The following CDKN2B-AS1 variants were observed in gnomAD, a reference collection of about 807,000 sequenced individuals.
CDKN2B-AS1 encodes the protein CDKN2B antisense RNA 1 (non-protein coding).
intron 4 of CDKN2B-AS1, among the ~76,000 whole-genome samples, chr9:22,076,014 G>A (rs556140091): frequency 4.6e-5 from 7 of 152,184 alleles, no homozygotes; most frequent in African/African-American, 1.2e-4. Context: ...ATGATTGATA[G>A]GAAAGTCAAG....
intron 4 of CDKN2B-AS1, among the ~76,000 whole-genome samples, chr9:22,073,973 C>G (rs570395996): frequency 6.6e-6 from 1 of 151,972 alleles, no homozygotes; most frequent in East Asian, 1.9e-4. Flanking sequence ...AGGTGATTCT[C>G]CCACCTCAGC....
chr9:22,112,804 T>C (rs1042839854), intron 4 of CDKN2B-AS1, among the ~76,000 whole-genome samples: 3 of 152,094 alleles, frequency 2.0e-5, no homozygotes, highest in Non-Finnish European at 4.4e-5. Context: ...TGTGAGAAAA[T>C]GAGAGCCCTG....
At chr9:22,031,172 A>G (rs1371815542) in intron 1 of CDKN2B-AS1, 1 of 152,110 alleles carries the variant, frequency 6.6e-6, no homozygotes, top group Admixed American at 6.6e-5. Context: ...CACCCTTTTA[A>G]AAACTTTACT....
At chr9:22,009,225 C>T in intron 1 of CDKN2B-AS1, 1 of 580,678 alleles carries the variant, frequency 1.7e-6, no homozygotes, top group Non-Finnish European at 3.1e-6. Context: ...AGCGCGGACG[C>T]AGCCGAGCTC....
intron 4 of CDKN2B-AS1, among the ~76,000 whole-genome samples, chr9:22,075,440 A>C (rs1426065461): frequency 6.6e-6 from 1 of 152,224 alleles, no homozygotes; most frequent in Non-Finnish European, 1.5e-5. Context: ...ATTGGGATGT[A>C]GGAAGGTTTC....
chr9:22,122,549 A>G (rs967055472), intron 4 of CDKN2B-AS1, among the ~76,000 whole-genome samples: 2 of 152,030 alleles, frequency 1.3e-5, no homozygotes, highest in African/African-American at 2.4e-5. Flanking sequence ...TAGGTTTTTG[A>G]TCCATTTTGC....
intron 3 of CDKN2B-AS1, among the ~76,000 whole-genome samples, chr9:22,054,748 T>A (rs1407019465): frequency 6.6e-6 from 1 of 150,988 alleles, no homozygotes; most frequent in Non-Finnish European, 1.5e-5. Context: ...TATAAGCCTT[T>A]TTATTTTTAT....
intron 4 of CDKN2B-AS1, among the ~76,000 whole-genome samples, chr9:22,114,174 T>C (rs1825877745): frequency 6.6e-6 from 1 of 152,224 alleles, no homozygotes; most frequent in South Asian, 2.1e-4. Flanking sequence ...TCTCCCACTG[T>C]CACAGCCACT....
chr9:22,042,990 G>GT (rs1822959370), intron 1 of CDKN2B-AS1, among the ~76,000 whole-genome samples: 1 of 152,082 alleles, frequency 6.6e-6, no homozygotes, highest in Admixed American at 6.6e-5. Context: ...GGCTGTCATT[G>GT]TAACACTGTT....
chr9:22,097,360 C>G (rs1343399762), intron 4 of CDKN2B-AS1: 5 of 152,102 alleles, frequency 3.3e-5, no homozygotes, highest in African/African-American at 1.2e-4. Context: ...AGACCAGTGA[C>G]TTAGGTGAGT....
chr9:22,008,447 T>C (rs1821301567), intron 1 of CDKN2B-AS1, among the ~76,000 whole-genome samples: 1 of 152,192 alleles, frequency 6.6e-6, no homozygotes, highest in Non-Finnish European at 1.5e-5. Flanking sequence ...AATGCGTAAC[T>C]TATACTTTAC....
At chr9:22,065,755 C>T (rs1471785611) in intron 4 of CDKN2B-AS1, 1 of 152,178 alleles carries the variant, frequency 6.6e-6, no homozygotes, top group Admixed American at 6.5e-5. Flanking sequence ...TACAACACTC[C>T]AGGTCAGCTA....
intron 4 of CDKN2B-AS1, among the ~76,000 whole-genome samples, chr9:22,117,051 C>G (rs973921639): frequency 6.6e-6 from 1 of 152,114 alleles, no homozygotes; most frequent in Non-Finnish European, 1.5e-5. Context: ...GAACAAAAAG[C>G]TGTTATTTTA....
At chr9:22,009,088 C>T (rs1821354909) in intron 1 of CDKN2B-AS1, 3 of 1,346,764 alleles carry the variant, frequency 2.2e-6, no homozygotes, top group Non-Finnish European at 3.1e-6. Context: ...GCTTCATTAC[C>T]CTCCCGTCGT....
intron 4 of CDKN2B-AS1, among the ~76,000 whole-genome samples, chr9:22,116,463 G>T (rs1274117854): frequency 6.6e-6 from 1 of 152,176 alleles, no homozygotes; most frequent in Non-Finnish European, 1.5e-5. Flanking sequence ...ACAAATAAAA[G>T]TATTCAGATA....
chr9:22,068,882 T>C (rs1444224540), intron 4 of CDKN2B-AS1, among the ~76,000 whole-genome samples: 1 of 152,166 alleles, frequency 6.6e-6, no homozygotes, highest in Non-Finnish European at 1.5e-5. Context: ...CACATCCAAG[T>C]CAACAAACAG....
At chr9:22,028,505 C>T (rs1822332204) in intron 1 of CDKN2B-AS1, among the ~76,000 whole-genome samples, 1 of 152,094 alleles carries the variant, frequency 6.6e-6, no homozygotes, top group African/African-American at 2.4e-5. Flanking sequence ...TCATAAACTT[C>T]AGTATCATCA....
intron 1 of CDKN2B-AS1, among the ~76,000 whole-genome samples, chr9:22,027,973 A>G (rs1038063123): frequency 2.0e-5 from 3 of 152,178 alleles, no homozygotes; most frequent in African/African-American, 7.2e-5. Flanking sequence ...AACATACAAG[A>G]TCTGGCTTTT....
intron 4 of CDKN2B-AS1, among the ~76,000 whole-genome samples, chr9:22,108,548 G>A (rs1825719080): frequency 1.3e-5 from 2 of 152,168 alleles, no homozygotes; most frequent in Non-Finnish European, 2.9e-5. Context: ...CCTACTTGAG[G>A]ATCTCAAACC....
Sources: gnomAD v4.1 joint callset for allele counts (sites outside exome capture counted in the v4.1 genomes callset) on GRCh38, gnomAD v4.1.1 for gene constraint, MANE v1.5 for transcripts, NCBI Gene and HGNC (gene_info 2026-07-23, HGNC 2026-07-21) for gene names.